The following DEAF1 variants were observed in gnomAD, a reference collection of about 807,000 sequenced individuals.
The protein encoded by DEAF1 is deformed epidermal autoregulatory factor 1 homolog.
Under a neutral mutation model 58.9 loss-of-function variants are expected in DEAF1, and 53 were observed. That is an observed-to-expected ratio of 0.90 (90% CI 0.72 to 1.13). The LOEUF (loss-of-function observed/expected upper bound fraction) is 1.13. Among genes scored for constraint, DEAF1 ranks in the 50% most tolerant of loss-of-function variants. The pLI is 0.00. For missense variants in DEAF1, 685 were observed against 791.4 expected (o/e 0.87, Z 1.61); for synonymous variants, 385 against 340.4 (o/e 1.13, Z -1.44).
At chr11:679,889 G>C (rs1368118590) in intron 7 of DEAF1, 73 bp from the exon 8 acceptor site, 1 of 1,596,790 alleles carries the variant, frequency 6.3e-7, no homozygotes, top group African/African-American at 1.3e-5. Flanking sequence ...TGCCACCCAC[G>C]GGCGCCAATC....
At chr11:694,478 A>C in intron 1 of DEAF1, 18 of 271,754 alleles carry the variant, frequency 6.6e-5, no homozygotes, top group East Asian at 6.1e-5. Context: ...TGGAGCAGGT[A>C]CGTGGGGAAA....
At chr11:686,823 T>G (rs998225746) in intron 5 of DEAF1, 35 bp downstream of exon 5, 1 of 1,613,564 alleles carries the variant, frequency 6.2e-7, no homozygotes, top group Non-Finnish European at 8.5e-7. Context: ...ACGTCTGAAC[T>G]GTGTGCTGAG....
intron 6 of DEAF1, among the ~76,000 whole-genome samples, chr11:681,445 C>T (rs1860366102): frequency 6.8e-6 from 1 of 146,748 alleles, no homozygotes; most frequent in Non-Finnish European, 1.5e-5. Context: ...GAGTCTCGCT[C>T]TGTTGCCCAG....
rs758514173 is a variant in DEAF1 at position 687,010 on chromosome 11, G to A, written c.665-13C>T. 6.2e-7 allele frequency: 1 copy of A among 1,613,784 alleles called. No homozygotes were observed. Among genetic ancestry groups the A allele is most frequent in the African/African-American group, 1.3e-5 (1 of 75,048 alleles). ...CGTCCCCGGCCGCCTGCAAGGAAGG[G>A]CAGCAGTCATGATGATGGCAGGTGG... On this transcript the variant is annotated splice_polypyrimidine_tract_variant and intron_variant, in intron 4 of 11. Coordinates refer to ENST00000382409, the MANE Select transcript of DEAF1 (RefSeq NM_021008.4).
At chr11:682,633 T>C (rs1564946642) in intron 6 of DEAF1, among the ~76,000 whole-genome samples, 1 of 152,190 alleles carries the variant, frequency 6.6e-6, no homozygotes, top group Non-Finnish European at 1.5e-5. Flanking sequence ...TGCCTGAGTC[T>C]ATCAGAGGGA....
At chr11:657,350 G>C (rs1170330800) in intron 10 of DEAF1, among the ~76,000 whole-genome samples, 1 of 152,182 alleles carries the variant, frequency 6.6e-6, no homozygotes, top group African/African-American at 2.4e-5. Context: ...TGTTGAAAGG[G>C]GTGCATCAGG....
At chr11:704,773 G>C (rs2133483404) in intron 1 of DEAF1, 1 of 665,902 alleles carries the variant, frequency 1.5e-6, no homozygotes, top group African/African-American at 1.9e-5. Flanking sequence ...ACTGTCTCCT[G>C]AGGGCAGGCT....
At chr11:674,892 C>G in intron 9 of DEAF1, 109 bp from the exon 10 acceptor site, 1 of 1,485,552 alleles carries the variant, frequency 6.7e-7, no homozygotes, top group Non-Finnish European at 9.2e-7. Context: ...CGCCTGTAAT[C>G]CCAGCACTTT....
At chr11:706,495 AGCCCGGCCTGCCCCCGTCGGTCCTGG>A (rs1376715162) in intron 1 of DEAF1, 2 of 152,370 alleles carry the variant, frequency 1.3e-5, no homozygotes, top group Admixed American at 1.3e-4. Flanking sequence ...GTCCTGCTGC[AGCCCGGCCTGCCCCCGTCGGTCCTGG>A]GCGGCGGCCG....
chr11:667,412 G>A (rs1859596438), intron 10 of DEAF1, among the ~76,000 whole-genome samples: 1 of 149,142 alleles, frequency 6.7e-6, no homozygotes, highest in African/African-American at 2.5e-5. Context: ...GGGAGGGAAG[G>A]AGGGAAGGAG....
At chr11:649,448 G>A (rs1858660441) in intron 11 of DEAF1, among the ~76,000 whole-genome samples, 1 of 151,308 alleles carries the variant, frequency 6.6e-6, no homozygotes, top group South Asian at 2.1e-4. Context: ...AGCTGGGTGT[G>A]GTGGCTCACA....
At chr11:685,053 C>A in intron 5 of DEAF1, 90 bp from the exon 6 acceptor site, 2 of 905,288 alleles carry the variant, frequency 2.2e-6, no homozygotes, top group South Asian at 1.4e-5. Flanking sequence ...ACTTTTACCA[C>A]TTACCTACCA....
Position 680,087 on chromosome 11 carries a change from AAAAC to A in DEAF1, c.998-275_998-272del. ...CCATGGAAATGTGCTGCCCAGCCAG[AAAAC>A]AAACATAAAATAAAACTTTCAGTGA... On this transcript the variant is annotated intron_variant, in intron 7 of 11. Transcript: ENST00000382409. 1.5e-5 allele frequency: 8 copies of A among 523,914 alleles called. No individual in the cohort carries two copies. The South Asian group carries it at 1.8e-4, about 12-fold the overall frequency. 32.5% of individuals were successfully genotyped at this position (523,914 alleles called of 1,614,324 possible).
upstream of DEAF1, chr11:698,874 G>C (rs768124828): frequency 6.8e-6 from 11 of 1,614,138 alleles, no homozygotes; most frequent in Admixed American, 1.7e-5. Flanking sequence ...TTCAGGGAGA[G>C]GATCCTCCAC....
rs1859982135 is a variant in DEAF1, at chr11:674,746, CG to C, written c.1292del (p.Pro431ArgfsTer26). On this transcript the variant is annotated frameshift_variant, in exon 10 of 12. Transcript: ENST00000382409. LOFTEE classifies it high-confidence loss of function. ...CGGGAGGTGCCGCTTTGGTGGGAGT[CG>C]GGGGTGGGACCGCCAGCGCAGGCAG... Reference protein sequence around the residue: ...TSLPALAVPPPTPTKAAPPAL... With the variant: ...TSLPALAVPPXTPTKAAPPAL... 6.2e-7 allele frequency: 1 copy of C among 1,613,250 alleles called. No individual in the cohort carries two copies. Among genetic ancestry groups the C allele is most frequent in the Non-Finnish European group, 8.5e-7 (1 of 1,180,026 alleles).
intron 11 of DEAF1, among the ~76,000 whole-genome samples, chr11:650,373 C>CAA (rs796351710): frequency 0.028 from 628 of 22,240 alleles, 203 homozygotes; most frequent in African/African-American, 0.092. Context: ...CAGTCCGTCT[C>CAA]AAAAAAAAAA....
At chr11:667,562 G>A (rs1208618843) in intron 10 of DEAF1, among the ~76,000 whole-genome samples, 1 of 152,148 alleles carries the variant, frequency 6.6e-6, no homozygotes, top group African/African-American at 2.4e-5. Context: ...AGCACTTTGG[G>A]AGGCCGAGGC....
intron 10 of DEAF1, among the ~76,000 whole-genome samples, chr11:671,722 T>TA (rs1859831688): frequency 7.5e-6 from 1 of 132,622 alleles, no homozygotes. Flanking sequence ...AAATAAAAAA[T>TA]AAAAAAATAA....
At chr11:667,208 G>C (rs1056727766) in intron 10 of DEAF1, among the ~76,000 whole-genome samples, 4 of 152,036 alleles carry the variant, frequency 2.6e-5, no homozygotes, top group Non-Finnish European at 5.9e-5. Context: ...GGTAGTCCTA[G>C]CTACTCTGGA....
Sources: gnomAD v4.1 joint callset for allele counts (sites outside exome capture counted in the v4.1 genomes callset) on GRCh38, gnomAD v4.1.1 for gene constraint, MANE v1.5 for transcripts, NCBI Gene and HGNC (gene_info 2026-07-23, HGNC 2026-07-21) for gene names.